The following DCAF8L2 variants were observed in gnomAD, a reference collection of about 807,000 sequenced individuals.
DCAF8L2 encodes DDB1 and CUL4 associated factor 8 like 2.
For synonymous variants in DCAF8L2, 200 were observed against 190.9 expected, an observed-to-expected ratio of 1.05 and a Z score of -0.39; for missense variants, 430 against 490.7, an observed-to-expected ratio of 0.88 and a Z score of 1.17.
intron 4 of DCAF8L2, among the ~76,000 whole-genome samples, chrX:27,735,833 G>C (rs991761750): frequency 2.7e-5 from 3 of 110,876 alleles, no homozygotes; most frequent in African/African-American, 9.8e-5. Context: ...ACAGTAAATC[G>C]GCACCCACTA....
upstream of DCAF8L2, among the ~76,000 whole-genome samples, chrX:27,588,016 A>ATATATATATATAT (rs1569152546): frequency 1.2e-4 from 12 of 100,111 alleles, no homozygotes; most frequent in African/African-American, 3.8e-4. Flanking sequence ...ATATATATAT[A>ATATATATATATAT]ATTTCAAAGT....
At chrX:27,581,172 T>C in the DCAF8L2 span, among the ~76,000 whole-genome samples, 1 of 112,203 alleles carries the variant, frequency 8.9e-6, no homozygotes, top group Non-Finnish European at 1.9e-5. Flanking sequence ...CTCAGTTCTA[T>C]ACAGCCATAA....
intron 1 of DCAF8L2, among the ~76,000 whole-genome samples, chrX:27,596,324 A>G (rs1355657216): frequency 9.0e-6 from 1 of 111,586 alleles, no homozygotes; most frequent in African/African-American, 3.3e-5. Flanking sequence ...TTCTAGAGAA[A>G]TTCGTATCCC....
At chrX:27,607,320 G>T (rs887274420) in intron 1 of DCAF8L2, among the ~76,000 whole-genome samples, 15 of 111,537 alleles carry the variant, frequency 1.3e-4, no homozygotes, top group African/African-American at 4.9e-4. Flanking sequence ...ATTCTGTTTT[G>T]TGGAGCCTGC....
At chrX:27,718,267 A>G (rs1931769411) in intron 4 of DCAF8L2, among the ~76,000 whole-genome samples, 2 of 112,049 alleles carry the variant, frequency 1.8e-5, no homozygotes, top group Admixed American at 1.9e-4. Context: ...AAATGGAATC[A>G]TGTACTATGC....
intron 1 of DCAF8L2, among the ~76,000 whole-genome samples, chrX:27,606,173 C>T (rs2147127637): frequency 1.0e-5 from 1 of 98,198 alleles, no homozygotes; most frequent in Admixed American, 1.2e-4. Context: ...GTGTGGAAGG[C>T]GGACCTTGAG....
At chrX:27,577,504 G>C in the DCAF8L2 span, among the ~76,000 whole-genome samples, 1 of 111,643 alleles carries the variant, frequency 9.0e-6, no homozygotes, top group African/African-American at 3.3e-5. Context: ...TTAAAAGCAA[G>C]ATTTATATGT....
intron 3 of DCAF8L2, among the ~76,000 whole-genome samples, chrX:27,678,613 T>C (rs1930220077): frequency 8.9e-6 from 1 of 112,076 alleles, no homozygotes; most frequent in African/African-American, 3.2e-5. Flanking sequence ...TATTGTATTA[T>C]TCCACTTATC....
At chrX:27,722,054 A>G (rs1396124525) in intron 4 of DCAF8L2, among the ~76,000 whole-genome samples, 1 of 111,710 alleles carries the variant, frequency 9.0e-6, no homozygotes, top group Non-Finnish European at 1.9e-5. Context: ...CATTTTATCC[A>G]TAACCTGAAA....
At chrX:27,581,839 A>G in the DCAF8L2 span, among the ~76,000 whole-genome samples, 2 of 112,110 alleles carry the variant, frequency 1.8e-5, no homozygotes, top group Non-Finnish European at 3.8e-5. Context: ...CCACCTCGGC[A>G]TCCCAAAGTG....
chrX:27,582,024 C>G, the DCAF8L2 span, among the ~76,000 whole-genome samples: 6 of 112,045 alleles, frequency 5.4e-5, no homozygotes, highest in Non-Finnish European at 9.4e-5. Flanking sequence ...AAGTAGTACT[C>G]TAGGATTTAG....
Position 27,748,965 on chromosome X carries a change from C to G in DCAF8L2, c.*174C>G. 3.4e-6 allele frequency: 2 copies of G among 585,851 alleles called. No individual in the cohort carries two copies. The highest frequency in any genetic ancestry group is 5.0e-6 in the Non-Finnish European group (2 of 398,281). 48.3% of individuals were successfully genotyped at this position (585,851 alleles called of 1,213,427 possible). ...CCTTCCTCTCTACTTTCCTTTCTTT[C>G]TTCCACACATTCTTTCTCTCATTCC... On this transcript the variant is annotated 3_prime_UTR_variant, in exon 5 of 5. Coordinates refer to ENST00000451261, the MANE Select transcript of DCAF8L2 (RefSeq NM_001353450.2).
chrX:27,608,662 C>T (rs1927019579), intron 1 of DCAF8L2, among the ~76,000 whole-genome samples: 1 of 110,516 alleles, frequency 9.0e-6, no homozygotes, highest in African/African-American at 3.3e-5. Flanking sequence ...TTTTTTTCTG[C>T]GTCTCTATCT....
At chrX:27,569,614 G>A in the DCAF8L2 span, among the ~76,000 whole-genome samples, 1 of 112,124 alleles carries the variant, frequency 8.9e-6, no homozygotes, top group African/African-American at 3.2e-5. Flanking sequence ...GAATACAGCT[G>A]TTTAACTCCA....
chrX:27,598,328 A>G (rs1926453686), intron 1 of DCAF8L2, among the ~76,000 whole-genome samples: 1 of 111,880 alleles, frequency 8.9e-6, no homozygotes, highest in Admixed American at 9.4e-5. Context: ...TTTTTCTTGA[A>G]GGTAGAATGT....
At chrX:27,560,563 A>G in the DCAF8L2 span, among the ~76,000 whole-genome samples, 1 of 111,771 alleles carries the variant, frequency 8.9e-6, no homozygotes, top group South Asian at 3.8e-4. Flanking sequence ...ACTTGTGGCT[A>G]CTACTCCTAT....
intron 1 of DCAF8L2, among the ~76,000 whole-genome samples, chrX:27,606,230 AATATATATATATATAGGAATTAT>A (rs1265113700): frequency 6.0e-5 from 5 of 82,727 alleles, no homozygotes; most frequent in East Asian, 3.5e-4. Flanking sequence ...CCTAGATACA[AATATATATATATATAGGAATTAT>A]ATATATATAT....
chrX:27,533,121 GGA>G, the DCAF8L2 span, among the ~76,000 whole-genome samples: 1,100 of 30,748 alleles, frequency 0.036, 261 homozygotes, highest in Non-Finnish European at 0.059. Context: ...AGGAAGGAAG[GGA>G]AAGGAAGGAA....
chrX:27,554,382 C>A, the DCAF8L2 span, among the ~76,000 whole-genome samples: 1 of 111,759 alleles, frequency 8.9e-6, no homozygotes, highest in Non-Finnish European at 1.9e-5. Context: ...ATTTTCCAAC[C>A]CTGGCACATT....
Sources: allele counts gnomAD v4.1 joint callset (sites outside exome capture counted in the v4.1 genomes callset), GRCh38; gene constraint gnomAD v4.1.1; transcripts MANE v1.5; gene names NCBI Gene and HGNC (gene_info 2026-07-23, HGNC 2026-07-21).